EXT2: variants seen among roughly 807,000 people sequenced by gnomAD.
EXT2 encodes exostosin glycosyltransferase 2.
EXT2 carries 53 observed loss-of-function variants against 81.6 expected under a neutral mutation model. That is an observed-to-expected ratio of 0.65 (90% CI 0.52 to 0.82). The LOEUF (loss-of-function observed/expected upper bound fraction) is 0.82, where lower values mean the gene tolerates loss of function less well. EXT2 is among the 40% of genes least tolerant of loss of function. The pLI, the probability that EXT2 is intolerant of heterozygous loss-of-function variation, is 0.00. For missense variants in EXT2, 774 were observed against 910.2 expected (o/e 0.85, Z 1.93); for synonymous variants, 320 against 340.0 (o/e 0.94, Z 0.65).
rs536504159 is a variant in EXT2 at position 44,105,771 on chromosome 11, G to A, written c.-30-1912G>A. On this transcript the variant is annotated intron_variant, in intron 1 of 13. Coordinates refer to ENST00000533608, the MANE Select transcript of EXT2 (RefSeq NM_207122.2). ...AGGATCTTAAAATGTGGTCTACATG[G>A]GAACTCTACATTTTTAGCTGAGGAC... 5.9e-5 allele frequency among the ~76,000 whole-genome samples: 9 copies of A among 152,270 alleles called. No individual in the cohort carries two copies. The South Asian group carries it at 1.2e-3, about 21-fold the overall frequency.
At chr11:44,102,611 T>C (rs1277264225) in intron 1 of EXT2, among the ~76,000 whole-genome samples, 1 of 148,110 alleles carries the variant, frequency 6.8e-6, no homozygotes, top group African/African-American at 2.5e-5. Context: ...AAGCAAAATA[T>C]GATACTTAAG....
chr11:44,236,330 C>T lies in EXT2; in HGVS notation c.1973C>T (p.Thr658Ile), dbSNP rs2135267858. The change falls in exon 13 of 14, where the codon ACA (threonine) becomes ATA (isoleucine). Residue 658 changes from threonine to isoleucine, a missense_variant. Physicochemically the swap from Thr to Ile is moderately conservative, Grantham distance 89 (BLOSUM62 -1). Around this residue, in one of 2 missense-constraint regions of EXT2, gnomAD observed 148 missense variants for 239.7 expected, o/e 0.62. Coordinates refer to ENST00000533608, the MANE Select transcript of EXT2 (RefSeq NM_207122.2). Reference sequence around the variant, plus strand: ...AAGAAATTCAAGTGTCCTGAGTGCACAGCCATAGATGGGCTTTCACTAGAC... The same window carrying T: ...AAGAAATTCAAGTGTCCTGAGTGCATAGCCATAGATGGGCTTTCACTAGAC... ...PRKKFKCPEC[T>I]AIDGLSLDQT... 1 of 1,614,126 alleles carries T rather than the reference C, an allele frequency of 6.2e-7. No homozygotes were observed. Among genetic ancestry groups the T allele is most frequent in the Non-Finnish European group, 8.5e-7 (1 of 1,180,026 alleles).
intron 4 of EXT2, among the ~76,000 whole-genome samples, chr11:44,119,145 T>TATATATATATATAC (rs1565201170): frequency 8.4e-5 from 4 of 47,612 alleles, no homozygotes; most frequent in African/African-American, 1.3e-4. Context: ...TATATATATA[T>TATATATATATATAC]ATATATATAT....
rs945058783 is a variant in EXT2, at chr11:44,234,244, G to T, written c.1935+1G>T. ...CGTCACGGGAAAAGCAGTTATCAAG[G>T]TAGGAGGCTCTGCCACTCACTTGCT... On this transcript the variant is annotated splice_donor_variant, in intron 12 of 13. Coordinates refer to ENST00000533608, the MANE Select transcript of EXT2 (RefSeq NM_207122.2). LOFTEE classifies it high-confidence loss of function. 1.9e-6 allele frequency: 3 copies of T among 1,613,838 alleles called. No individual in the cohort carries two copies. The highest frequency in any genetic ancestry group is 1.7e-5 in the Admixed American group (1 of 60,002).
chr11:44,142,158 T>C (rs1463710983), intron 7 of EXT2, among the ~76,000 whole-genome samples: 2 of 152,242 alleles, frequency 1.3e-5, no homozygotes, highest in Admixed American at 6.5e-5. Flanking sequence ...TATTTATAAA[T>C]ATTAAAATAA....
chr11:44,234,037 T>G (rs753912204), intron 11 of EXT2, 78 bp from the exon 12 acceptor site: 41 of 1,603,514 alleles, frequency 2.6e-5, no homozygotes, highest in Non-Finnish European at 3.5e-5. Context: ...CCCCATGCCT[T>G]GGCTATGCTG....
rs771705079 is a variant in EXT2 at position 44,130,034 on chromosome 11, G to T, written c.1080-11G>T. On this transcript the variant is annotated splice_polypyrimidine_tract_variant and intron_variant, in intron 6 of 13. Transcript: ENST00000533608. Reference sequence around the variant, plus strand: ...CTGTGTGTATGTAAACTGTTTTGCTGTTGTCTCCAGAGCATCTGTGGTTGT... The same window carrying T: ...CTGTGTGTATGTAAACTGTTTTGCTTTTGTCTCCAGAGCATCTGTGGTTGT... 2 of 1,610,266 alleles carry T rather than the reference G, an allele frequency of 1.2e-6. No individual in the cohort carries two copies. The highest frequency in any genetic ancestry group is 2.2e-5 in the South Asian group (2 of 90,988).
At chr11:44,188,788 A>G (rs1378180598) in intron 8 of EXT2, among the ~76,000 whole-genome samples, 1 of 152,188 alleles carries the variant, frequency 6.6e-6, no homozygotes, top group Non-Finnish European at 1.5e-5. Context: ...GAAGAAGTGA[A>G]GTAATATAGA....
intron 3 of EXT2, among the ~76,000 whole-genome samples, chr11:44,110,576 G>C (rs1311546212): frequency 6.6e-6 from 1 of 152,236 alleles, no homozygotes; most frequent in Non-Finnish European, 1.5e-5. Context: ...AGAGCTGTTA[G>C]GAATGCAGAG....
rs113449564 is a variant in EXT2 at position 44,214,327 on chromosome 11, C to G, written c.1662+7368C>G. Among the ~76,000 whole-genome samples, 910 of 152,106 alleles carry G rather than the reference C, an allele frequency of 6.0e-3. 10 individuals are homozygous for G. Among genetic ancestry groups the G allele is most frequent in the African/African-American group, 0.021 (872 of 41,484 alleles). ...GACGGGGTTTAACCGTGATAGCCAG[C>G]ATGGTCTCGATCTCCTGACCTCGTG... is the stretch of plus-strand genomic sequence containing the variant. On this transcript the variant is annotated intron_variant, in intron 10 of 13. Transcript: ENST00000533608.
chr11:44,160,238 T>A (rs1954911156), intron 7 of EXT2, among the ~76,000 whole-genome samples: 1 of 152,178 alleles, frequency 6.6e-6, no homozygotes, highest in Non-Finnish European at 1.5e-5. Flanking sequence ...TCAATTACAG[T>A]TAAGGTTTTC....
intron 3 of EXT2, among the ~76,000 whole-genome samples, chr11:44,111,067 A>C (rs890898628): frequency 1.3e-5 from 2 of 152,204 alleles, no homozygotes; most frequent in Non-Finnish European, 2.9e-5. Context: ...GATTGTTTGG[A>C]AATTAGAAAA....
At chr11:44,146,142 C>T (rs1954714042) in intron 7 of EXT2, among the ~76,000 whole-genome samples, 2 of 152,218 alleles carry the variant, frequency 1.3e-5, no homozygotes, top group South Asian at 2.1e-4. Flanking sequence ...TCTGTATTCA[C>T]GCACCTCTGG....
intron 9 of EXT2, among the ~76,000 whole-genome samples, chr11:44,202,940 T>C (rs997447219): frequency 6.6e-6 from 1 of 152,256 alleles, no homozygotes; most frequent in Non-Finnish European, 1.5e-5. Context: ...AGAGGCATCT[T>C]GTTTAGTTTT....
At chr11:44,217,923 A>T (rs143695407) in intron 10 of EXT2, among the ~76,000 whole-genome samples, 96 of 152,296 alleles carry the variant, frequency 6.3e-4, no homozygotes, top group Admixed American at 4.1e-3. Context: ...GAACATTTTC[A>T]CCTGAGAGAT....
At chr11:44,151,922 A>G (rs1396185855) in intron 7 of EXT2, among the ~76,000 whole-genome samples, 1 of 152,182 alleles carries the variant, frequency 6.6e-6, no homozygotes, top group Admixed American at 6.5e-5. Flanking sequence ...ATAGATATGT[A>G]TTTGTATCTT....
chr11:44,115,059 G>C (rs1954201824), intron 4 of EXT2, among the ~76,000 whole-genome samples: 4 of 152,220 alleles, frequency 2.6e-5, no homozygotes, highest in Middle Eastern at 3.4e-3. Flanking sequence ...CCTCTGCCCT[G>C]GCTCCTCTGC....
rs142725978 is a variant in EXT2 at position 44,169,647 on chromosome 11, T to C, written c.1174-1964T>C. Reference sequence around the variant, plus strand: ...AGGAACCAAATATTTTTGGATGAGATAATATATTAAAACCCAGTAACAGAT... The same window carrying C: ...AGGAACCAAATATTTTTGGATGAGACAATATATTAAAACCCAGTAACAGAT... On this transcript the variant is annotated intron_variant, in intron 7 of 13. Coordinates refer to ENST00000533608, the MANE Select transcript of EXT2 (RefSeq NM_207122.2). Among the ~76,000 whole-genome samples the C allele has an allele frequency of 7.2e-5, 11 of 152,276 alleles. No individual in the cohort carries two copies. In the South Asian group the frequency reaches 1.2e-3, roughly 17 times the overall value.
Position 44,108,054 on chromosome 11 carries a change from C to T in EXT2, c.342C>T (p.Tyr114=), listed in dbSNP as rs763623546. The change falls in exon 2 of 14, where the codon TAC becomes TAT. Residue 114 remains tyrosine, a synonymous_variant. Coordinates refer to ENST00000533608, the MANE Select transcript of EXT2 (RefSeq NM_207122.2). Reference sequence around the variant, plus strand: ...TGTATATCTATGCTCTGAAAAAGTACGTGGATGACTTTGGCGTCTCTGTCA... The same window carrying T: ...TGTATATCTATGCTCTGAAAAAGTATGTGGATGACTTTGGCGTCTCTGTCA... ...IKVYIYALKK[Y]VDDFGVSVSN... is the part of the protein sequence containing the mutation. The T allele has an allele frequency of 7.4e-6, 12 of 1,614,040 alleles. No individual in the cohort carries two copies. The highest frequency in any genetic ancestry group is 1.3e-5 in the African/African-American group (1 of 74,908).
Sources: gnomAD v4.1 joint callset for allele counts (sites outside exome capture counted in the v4.1 genomes callset) on GRCh38, gnomAD v4.1.1 for gene constraint, gnomAD v4.1.1 regional missense constraint, MANE v1.5 for transcripts, NCBI Gene and HGNC (gene_info 2026-07-23, HGNC 2026-07-21) for gene names.